Variants in MCF2L2 observed in about 807,000 individuals in gnomAD.
MCF2L2 encodes the protein MCF.2 cell line derived transforming sequence-like 2.
In MCF2L2, 102 loss-of-function variants were observed where a neutral mutation model predicts 150.2. That is an observed-to-expected ratio of 0.68 (90% CI 0.58 to 0.80). MCF2L2 has a LOEUF of 0.80. Among genes scored for constraint, MCF2L2 ranks in the 30% least tolerant of loss-of-function variants. MCF2L2 has a pLI of 0.00. For missense variants in MCF2L2, 1,256 were observed against 1,372.8 expected (o/e 0.91, Z 1.34); for synonymous variants, 465 against 491.3 (o/e 0.95, Z 0.71).
chr3:183,299,937 C>T (rs942852507), intron 11 of MCF2L2, 68 bp downstream of exon 11: 45 of 1,522,304 alleles, frequency 3.0e-5, no homozygotes, highest in African/African-American at 2.9e-4. Flanking sequence ...GAAGGGAGGA[C>T]GAGTATGATG....
intron 14 of MCF2L2, chr3:183,287,478 T>C (rs1727860323): frequency 6.6e-6 from 1 of 152,230 alleles, no homozygotes; most frequent in South Asian, 2.1e-4. Flanking sequence ...CAGAAATGGA[T>C]AGGCTGATGT....
chr3:183,210,294 T>C (rs899868384), intron 22 of MCF2L2, among the ~76,000 whole-genome samples: 1 of 151,906 alleles, frequency 6.6e-6, no homozygotes. Flanking sequence ...GTGTAGAAGA[T>C]AAAAGAAAAG....
intron 1 of MCF2L2, among the ~76,000 whole-genome samples, chr3:183,423,632 GTT>G (rs34400256): frequency 0.013 from 1,152 of 91,852 alleles, 6 homozygotes; most frequent in African/African-American, 0.043. Context: ...AATTTTATTT[GTT>G]TTTTTTTTTT....
rs1234751347 is a variant in MCF2L2 at position 183,216,574 on chromosome 3, ATATATATTTTTTTTTTTTTT to A, written c.2371-500_2371-481del. Among the ~76,000 whole-genome samples the A allele has an allele frequency of 2.7e-3, 146 of 54,436 alleles. 6 individuals carry two copies. Among genetic ancestry groups the A allele is most frequent in the Non-Finnish European group, 3.5e-3 (104 of 29,890 alleles). 35.7% of individuals were successfully genotyped at this position (54,436 alleles called of 152,430 possible). A position where few individuals can be genotyped will look rare whatever the true frequency, so the allele number is the denominator to read the frequency against. On this transcript the variant is annotated intron_variant, in intron 21 of 29. Coordinates refer to ENST00000328913, the MANE Select transcript of MCF2L2 (RefSeq NM_015078.4). ...ATATTATATATATATATATATATAT[ATATATATTTTTTTTTTTTTT>A]TTTTTTTTTTTTTTTTTTTTTTGAG...
At chr3:183,341,130 C>T (rs563128467) in intron 4 of MCF2L2, among the ~76,000 whole-genome samples, 46 of 152,100 alleles carry the variant, frequency 3.0e-4, no homozygotes, top group Non-Finnish European at 5.0e-4. Flanking sequence ...GGGTTACTGC[C>T]GTAGGCAAAG....
intron 1 of MCF2L2, among the ~76,000 whole-genome samples, chr3:183,392,076 T>G (rs770740309): frequency 7.9e-5 from 12 of 152,140 alleles, no homozygotes; most frequent in Non-Finnish European, 1.5e-4. Context: ...TCAGAGATGA[T>G]GAACCGAGAG....
At chr3:183,401,305 G>C (rs1247919360) in intron 1 of MCF2L2, among the ~76,000 whole-genome samples, 1 of 152,122 alleles carries the variant, frequency 6.6e-6, no homozygotes, top group Non-Finnish European at 1.5e-5. Context: ...ATGTGAAATA[G>C]CCAATCAGCA....
intron 4 of MCF2L2, 75 bp downstream of exon 4, chr3:183,341,465 A>G: frequency 8.2e-7 from 1 of 1,217,288 alleles, no homozygotes. Context: ...CCTTTTCCCC[A>G]GGACTTTGAT....
At chr3:183,336,730 T>C (rs1730496691) in intron 5 of MCF2L2, among the ~76,000 whole-genome samples, 1 of 151,822 alleles carries the variant, frequency 6.6e-6, no homozygotes, top group South Asian at 2.1e-4. Flanking sequence ...GGCGGGTGCC[T>C]ATAATCCCAG....
intron 10 of MCF2L2, among the ~76,000 whole-genome samples, chr3:183,303,194 C>CAAAAAAAAAAAAAAAAAAAA (rs56742154): frequency 8.1e-6 from 1 of 123,978 alleles, no homozygotes; most frequent in Non-Finnish European, 1.7e-5. Context: ...ACTCTGTCTC[C>CAAAAAAAAAAAAAAAAAAAA]AAAAAAAAAA....
chr3:183,379,745 A>C (rs1237008733), intron 2 of MCF2L2, among the ~76,000 whole-genome samples: 1 of 152,216 alleles, frequency 6.6e-6, no homozygotes, highest in Non-Finnish European at 1.5e-5. Context: ...AGTAAATGTC[A>C]AAAGTAATAT....
intron 7 of MCF2L2, among the ~76,000 whole-genome samples, chr3:183,312,762 G>C (rs569402349): frequency 6.6e-6 from 1 of 152,268 alleles, no homozygotes; most frequent in East Asian, 1.9e-4. Flanking sequence ...CTCTCAAGCT[G>C]GTACCTTTGT....
At chr3:183,357,963 C>G (rs1360350874) in intron 3 of MCF2L2, among the ~76,000 whole-genome samples, 2 of 151,948 alleles carry the variant, frequency 1.3e-5, no homozygotes, top group African/African-American at 4.8e-5. Flanking sequence ...AACTGGACAG[C>G]AGCATAAGTG....
In MCF2L2 at chr3:183,186,265, T is replaced by G. The variant is rs77490550; in HGVS notation, c.3017-6106A>C. Among the ~76,000 whole-genome samples the G allele has an allele frequency of 4.1e-3, 622 of 152,216 alleles. 5 individuals are homozygous for G. The highest frequency in any genetic ancestry group is 0.014 in the African/African-American group (592 of 41,538). ...CTCCATTTAAAAAAAATCATGCATATCTTTGTTTTGCAATGGGGCCTTACT... is the reference window on the plus strand; with the variant it reads ...CTCCATTTAAAAAAAATCATGCATAGCTTTGTTTTGCAATGGGGCCTTACT... On this transcript the variant is annotated intron_variant, in intron 27 of 29. Coordinates refer to ENST00000328913, the MANE Select transcript of MCF2L2 (RefSeq NM_015078.4).
At chr3:183,232,837 T>C (rs1013904746) in intron 15 of MCF2L2, among the ~76,000 whole-genome samples, 1 of 152,220 alleles carries the variant, frequency 6.6e-6, no homozygotes, top group Admixed American at 6.5e-5. Flanking sequence ...GAAAGACTGG[T>C]AAATGAGGGT....
chr3:183,383,578 A>G (rs1347578347), intron 2 of MCF2L2, among the ~76,000 whole-genome samples: 1 of 152,018 alleles, frequency 6.6e-6, no homozygotes, highest in African/African-American at 2.4e-5. Context: ...CACTCCAGGT[A>G]TCTGATCACC....
At chr3:183,418,874 G>C (rs1192143670) in intron 1 of MCF2L2, among the ~76,000 whole-genome samples, 1 of 152,188 alleles carries the variant, frequency 6.6e-6, no homozygotes, top group African/African-American at 2.4e-5. Flanking sequence ...GCTGTCGGTG[G>C]ATCTGTCATT....
At chr3:183,346,895 A>G (rs1268616124) in intron 3 of MCF2L2, among the ~76,000 whole-genome samples, 2 of 152,188 alleles carry the variant, frequency 1.3e-5, no homozygotes, top group African/African-American at 4.8e-5. Context: ...TCACTGCTCA[A>G]GGAAATAAGA....
intron 27 of MCF2L2, among the ~76,000 whole-genome samples, chr3:183,185,024 C>A (rs923620297): frequency 7.2e-5 from 11 of 151,988 alleles, no homozygotes; most frequent in Non-Finnish European, 1.6e-4. Flanking sequence ...TCAAGTGATT[C>A]TCCTGCCTCA....
Sources: allele counts gnomAD v4.1 joint callset (sites outside exome capture counted in the v4.1 genomes callset), GRCh38; gene constraint gnomAD v4.1.1; transcripts MANE v1.5; gene names NCBI Gene and HGNC (gene_info 2026-07-23, HGNC 2026-07-21).